The following ALDH4A1 variants were observed in gnomAD, a reference collection of about 807,000 sequenced individuals.
ALDH4A1 encodes aldehyde dehydrogenase 4 family member A1, also known as delta-1-pyrroline-5-carboxylate dehydrogenase, mitochondrial.
Under a neutral mutation model 70.5 loss-of-function variants are expected in ALDH4A1, and 46 were observed. That is an observed-to-expected ratio of 0.65 (90% CI 0.51 to 0.83). The LOEUF is 0.83. Among genes scored for constraint, ALDH4A1 ranks in the 40% least tolerant of loss-of-function variants. ALDH4A1 has a pLI of 0.00. For missense variants in ALDH4A1, 749 were observed against 766.5 expected (o/e 0.98, Z 0.27); for synonymous variants, 323 against 324.3 (o/e 1.00, Z 0.04).
chr1:18,879,509 G>A, intron 8 of ALDH4A1, 136 bp from the exon 9 acceptor site: 1 of 771,816 alleles, frequency 1.3e-6, no homozygotes, highest in Non-Finnish European at 2.3e-6. Context: ...CTGGGAACAG[G>A]CTGCATTCCA....
At chr1:18,891,852 A>G (rs1174049590) in intron 1 of ALDH4A1, among the ~76,000 whole-genome samples, 1 of 151,870 alleles carries the variant, frequency 6.6e-6, no homozygotes, top group African/African-American at 2.4e-5. Context: ...ATATGGTAAA[A>G]CCCCGTCTCT....
intron 14 of ALDH4A1, 22 bp downstream of exon 14, chr1:18,874,441 G>A: frequency 6.2e-7 from 1 of 1,608,732 alleles, no homozygotes; most frequent in Middle Eastern, 1.7e-4. Context: ...CAGCTCCCCT[G>A]TGGGAAGGGG....
chr1:18,897,125 T>G (rs1343433948), intron 1 of ALDH4A1: 1 of 527,790 alleles, frequency 1.9e-6, no homozygotes, highest in Admixed American at 2.0e-5. Context: ...AATCTGAAAC[T>G]TTTTGAGTGT....
rs560407091 is a variant in ALDH4A1 at position 18,898,037 on chromosome 1, C to T, written c.62+4425G>A. On this transcript the variant is annotated intron_variant, in intron 1 of 14. Transcript: ENST00000375341. This position sits in a 1 kb window ranked among gnomAD's most constrained non-coding sequence, Gnocchi z 4.3. ...CAGGGTCAAAACCCTAACAGAAGGT[C>T]GGACGCAGTGGCTCACGCCTATAAT... Among the ~76,000 whole-genome samples, 2 of 151,708 alleles carry T rather than the reference C, an allele frequency of 1.3e-5. No individual in the cohort carries two copies. The highest frequency in any genetic ancestry group is 3.0e-5 in the Non-Finnish European group (2 of 67,750).
chr1:18,899,990 T>C (rs1267192149), intron 1 of ALDH4A1, among the ~76,000 whole-genome samples: 1 of 152,172 alleles, frequency 6.6e-6, no homozygotes, highest in African/African-American at 2.4e-5. Context: ...CAGATGAGCT[T>C]GTTTCTATGA....
chr1:18,889,995 T>A lies in ALDH4A1; in HGVS notation c.156+17A>T. The A allele has an allele frequency of 6.3e-7, 1 of 1,588,428 alleles. No individual in the cohort carries two copies. Among genetic ancestry groups the A allele is most frequent in the African/African-American group, 1.3e-5 (1 of 74,418 alleles). On this transcript the variant is annotated intron_variant, in intron 2 of 14. Transcript: ENST00000375341. ...CCATGCCCTGCACCTCTCGGGTGCC[T>A]CCCACCCTCCCATTACCTTTTGCAG... is the stretch of plus-strand genomic sequence containing the variant.
At chr1:18,894,865 C>CTTTTTTTTTTTTTTTTTTTTTTT (rs34445898) in intron 1 of ALDH4A1, among the ~76,000 whole-genome samples, 8 of 109,960 alleles carry the variant, frequency 7.3e-5, no homozygotes, top group Non-Finnish European at 1.1e-4. Context: ...TTCTTTCTTT[C>CTTTTTTTTTTTTTTTTTTTTTTT]TTTTTTTTTT....
chr1:18,901,007 C>G, intron 1 of ALDH4A1: 1 of 715,164 alleles, frequency 1.4e-6, no homozygotes, highest in Non-Finnish European at 1.7e-6. Context: ...CCCTATTAAG[C>G]CGAAAACTCC....
Position 18,881,760 on chromosome 1 carries a change from A to C in ALDH4A1, c.806T>G (p.Phe269Cys). The C allele has an allele frequency of 6.2e-7, 1 of 1,614,072 alleles. No homozygotes were observed. Among genetic ancestry groups the C allele is most frequent in the Non-Finnish European group, 8.5e-7 (1 of 1,180,022 alleles). Residue 269 changes from phenylalanine to cysteine, a missense_variant, in exon 8 of 15, where the codon TTT becomes TGT. Transcript: ENST00000375341. ...IQFVPADGPL[F>C]GDTVTSSEHL... ...CTCTGAGCTGGTGACAGTGTCCCCA[A>C]ATAGGGGCCCATCAGCTGGCACAAA...
At chr1:18,891,014 C>T (rs995382612) in intron 1 of ALDH4A1, 1 of 375,106 alleles carries the variant, frequency 2.7e-6, no homozygotes, top group African/African-American at 2.2e-5. Context: ...TGCCTGATTC[C>T]AGGACACTGA....
chr1:18,885,427 T>TTCCCCCC lies in ALDH4A1; in HGVS notation c.453+45_453+46insGGGGGGA. The TTCCCCCC allele has an allele frequency of 8.4e-5, 55 of 650,920 alleles. 4 individuals are homozygous for TTCCCCCC. The highest frequency in any genetic ancestry group is 1.3e-4 in the Non-Finnish European group (46 of 367,428). The allele number at this position is 650,920 out of a possible 1,614,324, so 40.3% of individuals were successfully genotyped here. ...CTGCCATGGGTAGGGCACACCTGAC[T>TTCCCCCC]CCCACCCCACCCCGCCCCACCCACC... On this transcript the variant is annotated intron_variant, in intron 5 of 14. Coordinates refer to ENST00000375341, the MANE Select transcript of ALDH4A1 (RefSeq NM_003748.4).
intron 2 of ALDH4A1, 24 bp downstream of exon 2, chr1:18,889,988 G>T: frequency 1.9e-6 from 3 of 1,555,244 alleles, no homozygotes; most frequent in South Asian, 1.2e-5. Flanking sequence ...TGCACCTCTC[G>T]GGTGCCTCCC....
At chr1:18,879,527 G>A (rs896663865) in intron 8 of ALDH4A1, among the ~76,000 whole-genome samples, 154 bp from the exon 9 acceptor site, 2 of 152,180 alleles carry the variant, frequency 1.3e-5, no homozygotes, top group Non-Finnish European at 2.9e-5. Flanking sequence ...CCAAGACTAC[G>A]GGGAGCGGGC....
At position 18,898,804 on chromosome 1, in the gene ALDH4A1, T is replaced by C. The variant is rs1227424314; in HGVS notation, c.62+3658A>G. ...AACGCCTACTGTGTGCCGGGCCAGA[T>C]GCAGGGCACAGGAGGCAGGCTGCTC... On this transcript the variant is annotated intron_variant, in intron 1 of 14. Transcript: ENST00000375341. The surrounding 1 kb of genome is among the most constrained non-coding windows in gnomAD (Gnocchi z 4.3). Among the ~76,000 whole-genome samples the C allele has an allele frequency of 6.6e-6, 1 of 152,238 alleles. No homozygotes were observed. The highest frequency in any genetic ancestry group is 1.9e-4 in the East Asian group (1 of 5,208).
intron 14 of ALDH4A1, among the ~76,000 whole-genome samples, chr1:18,873,817 A>G (rs938472238): frequency 3.3e-5 from 5 of 152,214 alleles, no homozygotes; most frequent in African/African-American, 1.2e-4. Context: ...GAGCTGTTCT[A>G]ACAACGTATC....
At chr1:18,886,411 G>A (rs1436614184) in intron 4 of ALDH4A1, 53 bp downstream of exon 4, 6 of 1,591,980 alleles carry the variant, frequency 3.8e-6, no homozygotes, top group East Asian at 2.2e-5. Context: ...TGGCAGGGCA[G>A]AGCAGGGGCA....
chr1:18,899,651 G>A (rs1006353505), intron 1 of ALDH4A1, among the ~76,000 whole-genome samples: 1 of 152,210 alleles, frequency 6.6e-6, no homozygotes, highest in African/African-American at 2.4e-5. Flanking sequence ...GGCCTCAGTT[G>A]TTTAATCTGT....
chr1:18,872,763 T>C lies in ALDH4A1; in HGVS notation c.*82A>G, dbSNP rs957034286. 9.9e-7 allele frequency: 1 copy of C among 1,006,964 alleles called. No individual in the cohort carries two copies. The allele number at this position is 1,006,964 out of a possible 1,614,324, so 62.4% of individuals were successfully genotyped here. ...AAGGCAGCTGTGCATGAAGAAGGGGTGGAGGGGCTGGAGTGGGGTCTGTGC... is the reference window on the plus strand; with the variant it reads ...AAGGCAGCTGTGCATGAAGAAGGGGCGGAGGGGCTGGAGTGGGGTCTGTGC... On this transcript the variant is annotated 3_prime_UTR_variant, in exon 15 of 15. Coordinates refer to ENST00000375341, the MANE Select transcript of ALDH4A1 (RefSeq NM_003748.4).
chr1:18,873,711 C>T (rs868458939), intron 14 of ALDH4A1, among the ~76,000 whole-genome samples: 32 of 152,322 alleles, frequency 2.1e-4, no homozygotes, highest in South Asian at 1.5e-3. Flanking sequence ...CCAGTCTTTG[C>T]CCTATGTGTC....
Sources: allele counts gnomAD v4.1 joint callset (sites outside exome capture counted in the v4.1 genomes callset), GRCh38; gene constraint gnomAD v4.1.1; non-coding constraint Gnocchi (gnomAD v3.1); transcripts MANE v1.5; gene names NCBI Gene and HGNC (gene_info 2026-07-23, HGNC 2026-07-21).